Variants in TRMT11 observed in about 807,000 individuals in gnomAD.
TRMT11 encodes the protein tRNA (guanine(10)-N(2))-methyltransferase TRMT11.
Under a neutral mutation model 62.8 loss-of-function variants are expected in TRMT11, and 53 were observed. The ratio of observed to expected loss-of-function variants is 0.84; its 90% CI spans 0.68 to 1.06. The LOEUF is 1.06. Among genes scored for constraint, TRMT11 ranks in the 50% least tolerant of loss-of-function variants. TRMT11 has a pLI of 0.00. For synonymous variants in TRMT11, 188 were observed against 190.3 expected (o/e 0.99, Z 0.10); for missense variants, 556 against 553.4 (o/e 1.00, Z -0.05).
At chr6:126,020,488 T>C (rs1311749897) in intron 11 of TRMT11, among the ~76,000 whole-genome samples, 1 of 152,220 alleles carries the variant, frequency 6.6e-6, no homozygotes, top group East Asian at 1.9e-4. Context: ...ATCATCTTCA[T>C]CCATGTAGGA....
At chr6:126,127,356 A>G (rs1331124805) in intron 21 of TRMT11, among the ~76,000 whole-genome samples, 3 of 152,118 alleles carry the variant, frequency 2.0e-5, no homozygotes, top group Non-Finnish European at 4.4e-5. Context: ...TCAAATTGTC[A>G]CATGGAAGAA....
intron 11 of TRMT11, among the ~76,000 whole-genome samples, chr6:126,013,617 C>T (rs911157716): frequency 6.6e-6 from 1 of 152,134 alleles, no homozygotes; most frequent in African/African-American, 2.4e-5. Flanking sequence ...CAGGGGTTGG[C>T]AAACCACGGC....
Position 125,998,661 on chromosome 6 carries a change from C to T in TRMT11, c.499C>T (p.His167Tyr). The T allele has an allele frequency of 6.2e-7, 1 of 1,612,196 alleles. No homozygotes were observed. The highest frequency in any genetic ancestry group is 8.5e-7 in the Non-Finnish European group (1 of 1,179,338). The change falls in exon 6 of 13, where the codon CAT becomes TAT. Residue 167 changes from histidine (H) to tyrosine (Y), a missense_variant. His to Tyr is a moderately conservative substitution (Grantham distance 83). Coordinates refer to ENST00000334379, the MANE Select transcript of TRMT11 (RefSeq NM_001031712.3). ...LDPNCIPENPHNIYFGRWIAD... is the reference protein window; with the variant it reads ...LDPNCIPENPYNIYFGRWIAD... ...CCCAAACTGCATCCCTGAGAATCCA[C>T]ATAATATTTATTTTGGTAGATGGGT...
chr6:126,221,089 A>G, the TRMT11 span, among the ~76,000 whole-genome samples: 1 of 152,120 alleles, frequency 6.6e-6, no homozygotes, highest in Non-Finnish European at 1.5e-5. Context: ...AAAGGATGTA[A>G]TTTCATTCCT....
chr6:126,230,472 C>CA, the TRMT11 span, among the ~76,000 whole-genome samples: 2 of 152,190 alleles, frequency 1.3e-5, no homozygotes, highest in Admixed American at 1.3e-4. Context: ...TTCTTGGTAT[C>CA]AAGTACACCT....
At chr6:126,206,970 T>G (rs541022911), downstream of TRMT11, among the ~76,000 whole-genome samples, 1 of 152,348 alleles carries the variant, frequency 6.6e-6, no homozygotes, top group East Asian at 1.9e-4. Context: ...AGAAGAAGTT[T>G]GAAGTCCTCA....
chr6:126,038,851 A>T lies in TRMT11; in HGVS notation c.*15A>T. 2.5e-6 allele frequency: 4 copies of T among 1,584,076 alleles called. No individual in the cohort carries two copies. Among genetic ancestry groups the T allele is most frequent in the Non-Finnish European group, 3.4e-6 (4 of 1,168,854 alleles). ...CCCAGGAATGAAAATTAAGATTTTG[A>T]CAATGAAGAAAGAATAAGAATTTGA... is the stretch of plus-strand genomic sequence containing the variant. On this transcript the variant is annotated 3_prime_UTR_variant, in exon 13 of 13. Coordinates refer to ENST00000334379, the MANE Select transcript of TRMT11 (RefSeq NM_001031712.3).
chr6:126,212,265 C>T, the TRMT11 span, among the ~76,000 whole-genome samples: 1 of 152,008 alleles, frequency 6.6e-6, no homozygotes, highest in South Asian at 2.1e-4. Context: ...ATACTGATTT[C>T]CTTTCTTTTG....
chr6:126,038,480 A>G (rs1232340215), intron 12 of TRMT11, among the ~76,000 whole-genome samples: 1 of 151,450 alleles, frequency 6.6e-6, no homozygotes, highest in Non-Finnish European at 1.5e-5. Context: ...TCCTCTGTAC[A>G]GAGGTCTTTT....
chr6:126,021,250 G>C lies in TRMT11; in HGVS notation c.1230G>C (p.Leu410Phe), dbSNP rs1467107309. The C allele has an allele frequency of 6.2e-7, 1 of 1,614,164 alleles. No homozygotes were observed. The highest frequency in any genetic ancestry group is 1.7e-5 in the Admixed American group (1 of 60,030). The stretch of plus-strand genomic sequence containing the variant: ...TTTCCAGTCACACATCAAGGCGCTT[G>C]ATCACAATGGAAAAGGTGAAGAAAT... ...QKLSSHTSRR[L>F]ITMEKVKKFE... is the part of the protein sequence containing the mutation. Residue 410 changes from leucine (L) to phenylalanine (F), a missense_variant, in exon 12 of 13, where the codon TTG (leucine) becomes TTC (phenylalanine). Coordinates refer to ENST00000334379, the MANE Select transcript of TRMT11 (RefSeq NM_001031712.3).
chr6:126,206,373 G>T (rs1300857060), downstream of TRMT11, among the ~76,000 whole-genome samples: 3 of 151,996 alleles, frequency 2.0e-5, no homozygotes, highest in Non-Finnish European at 4.4e-5. Flanking sequence ...TTTGAGGTGG[G>T]GCCACAGATT....
chr6:126,240,281 T>C, the TRMT11 span, among the ~76,000 whole-genome samples: 2 of 152,056 alleles, frequency 1.3e-5, no homozygotes, highest in Non-Finnish European at 2.9e-5. Context: ...GGAGGAGAGG[T>C]GCTTTGATTT....
intron 1 of TRMT11, among the ~76,000 whole-genome samples, chr6:125,990,723 A>G (rs1451402875): frequency 5.9e-5 from 9 of 152,072 alleles, no homozygotes; most frequent in Non-Finnish European, 1.3e-4. Flanking sequence ...TTTTTCAGGG[A>G]TTGAGGCAGT....
intron 1 of TRMT11, among the ~76,000 whole-genome samples, chr6:126,190,538 C>T (rs765052382): frequency 1.2e-4 from 18 of 152,148 alleles, no homozygotes; most frequent in Non-Finnish European, 1.8e-4. Context: ...AATTAAACCT[C>T]CTTCCTTTAT....
chr6:126,104,909 G>A (rs1189167360), intron 17 of TRMT11, among the ~76,000 whole-genome samples: 7 of 151,954 alleles, frequency 4.6e-5, no homozygotes, highest in Admixed American at 4.6e-4. Context: ...ATGCTTTTCT[G>A]CATATTGCTT....
chr6:126,101,776 T>C (rs1777404731), intron 17 of TRMT11, among the ~76,000 whole-genome samples: 1 of 152,252 alleles, frequency 6.6e-6, no homozygotes, highest in Admixed American at 6.5e-5. Flanking sequence ...CATGCTCTTC[T>C]GTTCTTTTGA....
At chr6:126,172,642 T>G (rs569846843), upstream of TRMT11, among the ~76,000 whole-genome samples, 13 of 152,316 alleles carry the variant, frequency 8.5e-5, no homozygotes, top group Middle Eastern at 3.4e-3. Flanking sequence ...TTAGCGTGAC[T>G]TTGTGTCCCA....
intron 1 of TRMT11, among the ~76,000 whole-genome samples, chr6:126,194,983 G>T (rs75269697): frequency 0.013 from 1,970 of 152,248 alleles, 40 homozygotes; most frequent in African/African-American, 0.043. Flanking sequence ...GGGTGTGGTG[G>T]CATGCCCCTG....
the TRMT11 span, among the ~76,000 whole-genome samples, chr6:126,269,091 G>T: frequency 6.6e-6 from 1 of 150,592 alleles, no homozygotes; most frequent in Non-Finnish European, 1.5e-5. Context: ...GTGAAACCCC[G>T]TCTCTACTAA....
Sources: allele counts gnomAD v4.1 joint callset (sites outside exome capture counted in the v4.1 genomes callset), GRCh38; gene constraint gnomAD v4.1.1; transcripts MANE v1.5; gene names NCBI Gene and HGNC (gene_info 2026-07-23, HGNC 2026-07-21).